The following PLD5 variants were observed in gnomAD, a reference collection of about 807,000 sequenced individuals.
PLD5 encodes inactive phospholipase D5.
A neutral mutation model predicts 61.1 loss-of-function variants in PLD5; 36 were observed. The observed-to-expected ratio is 0.59, with a 90% confidence interval of 0.45 to 0.78. The LOEUF is 0.78. PLD5 is among the 30% of genes least tolerant of loss of function. The pLI, the probability that PLD5 is intolerant of heterozygous loss-of-function variation, is 0.00. For synonymous variants in PLD5, 243 were observed against 242.8 expected, an observed-to-expected ratio of 1.00 and a Z score of -0.01; for missense variants, 515 against 644.4, an observed-to-expected ratio of 0.80 and a Z score of 2.17.
At chr1:242,390,292 T>C (rs1662854467) in intron 1 of PLD5, among the ~76,000 whole-genome samples, 1 of 152,034 alleles carries the variant, frequency 6.6e-6, no homozygotes, top group African/African-American at 2.4e-5. Context: ...AGATACAAAT[T>C]ATTAAAGCTC....
At chr1:242,309,514 C>A (rs1489719251) in intron 2 of PLD5, among the ~76,000 whole-genome samples, 1 of 151,804 alleles carries the variant, frequency 6.6e-6, no homozygotes, top group Non-Finnish European at 1.5e-5. Context: ...GCTGGGATTA[C>A]AGGTGCATGC....
chr1:242,296,836 C>A (rs190216320), intron 2 of PLD5, among the ~76,000 whole-genome samples: 1 of 152,186 alleles, frequency 6.6e-6, no homozygotes, highest in African/African-American at 2.4e-5. Context: ...TCCTGCCTTA[C>A]AGCCTCCTGA....
chr1:242,369,986 T>C (rs1317454116), intron 1 of PLD5, among the ~76,000 whole-genome samples: 3 of 152,142 alleles, frequency 2.0e-5, no homozygotes, highest in Admixed American at 6.6e-5. Context: ...AACCCTCCAT[T>C]TTATGTTTTT....
intron 5 of PLD5, among the ~76,000 whole-genome samples, chr1:242,137,584 A>G (rs1663838873): frequency 6.6e-6 from 1 of 152,150 alleles, no homozygotes. Flanking sequence ...GTAGGGGGAA[A>G]TGTGTTGAAG....
rs1446140451 is a variant in PLD5 at position 242,084,838 on chromosome 1, T to G, written c.*5016A>C. ...CTCCTTGTGTGAATATACAAAACAG[T>G]GGGCCCATTGGACCAGTCGCATCTA... On this transcript the variant is annotated 3_prime_UTR_variant, in exon 10 of 10. Transcript: ENST00000536534. 2.2e-5 allele frequency: 3 copies of G among 136,634 alleles called. No homozygotes were observed. Among genetic ancestry groups the G allele is most frequent in the African/African-American group, 8.3e-5 (3 of 35,942 alleles). The allele number at this position is 136,634 out of a possible 1,614,324, so 8.5% of individuals were successfully genotyped here. A position where few individuals can be genotyped will look rare whatever the true frequency, so the allele number is the denominator to read the frequency against.
chr1:242,512,094 A>AGGCT (rs1668928693), intron 1 of PLD5, among the ~76,000 whole-genome samples: 2 of 152,198 alleles, frequency 1.3e-5, no homozygotes, highest in South Asian at 4.1e-4. Flanking sequence ...TTAATAATCA[A>AGGCT]GGCTGGCCGG....
rs1659357173 is a variant in PLD5 at position 242,084,189 on chromosome 1, A to C, written c.*5665T>G. ...GCACTGTTAGCCCATTTTTTTAAAA[A>C]AAAACACGAAATTGTAGCATTCAGA... On this transcript the variant is annotated 3_prime_UTR_variant, in exon 10 of 10. Transcript: ENST00000536534. 1 of 152,148 alleles carries C rather than the reference A, an allele frequency of 6.6e-6. No individual in the cohort carries two copies. The highest frequency in any genetic ancestry group is 2.1e-4 in the South Asian group (1 of 4,832). The allele number at this position is 152,148 out of a possible 1,614,324, so 9.4% of individuals were successfully genotyped here.
chr1:242,153,934 T>C (rs138157516), intron 5 of PLD5, among the ~76,000 whole-genome samples: 100 of 152,328 alleles, frequency 6.6e-4, no homozygotes, highest in African/African-American at 2.2e-3. Context: ...TAAATTACTT[T>C]GGGCAGTATG....
At chr1:242,183,501 C>T (rs1189828263) in intron 5 of PLD5, among the ~76,000 whole-genome samples, 1 of 152,184 alleles carries the variant, frequency 6.6e-6, no homozygotes, top group Non-Finnish European at 1.5e-5. Context: ...GTACATCAGA[C>T]TAGTTGGACT....
intron 4 of PLD5, among the ~76,000 whole-genome samples, chr1:242,228,109 A>C (rs559682474): frequency 6.6e-6 from 1 of 152,332 alleles, no homozygotes; most frequent in Admixed American, 6.5e-5. Flanking sequence ...TCACATTTAC[A>C]CATTACACTT....
chr1:242,443,389 G>A (rs1055688332), intron 1 of PLD5, among the ~76,000 whole-genome samples: 3 of 152,168 alleles, frequency 2.0e-5, no homozygotes, highest in African/African-American at 7.2e-5. Context: ...ATATCTATGT[G>A]TAATACAGGG....
intron 1 of PLD5, among the ~76,000 whole-genome samples, chr1:242,379,834 CTT>C (rs1025756349): frequency 1.3e-5 from 2 of 152,160 alleles, no homozygotes; most frequent in African/African-American, 4.8e-5. Context: ...GGCTGAGACA[CTT>C]TACTTATTGC....
At chr1:242,470,002 C>T (rs994856074) in intron 1 of PLD5, among the ~76,000 whole-genome samples, 7 of 152,226 alleles carry the variant, frequency 4.6e-5, no homozygotes, top group African/African-American at 1.7e-4. Flanking sequence ...CTGTATCGAT[C>T]CAGCTTGATG....
rs532098086 is a variant in PLD5 at position 242,374,473 on chromosome 1, C to T, written c.190-26231G>A. Among the ~76,000 whole-genome samples the T allele has an allele frequency of 2.0e-5, 3 of 152,216 alleles. No homozygotes were observed. In the East Asian group the frequency reaches 5.8e-4, roughly 29 times the overall value. On this transcript the variant is annotated intron_variant, in intron 1 of 9. Coordinates refer to ENST00000536534, the MANE Select transcript of PLD5 (RefSeq NM_001372062.1). Reference sequence around the variant, plus strand: ...CATTTTTCTTTGACCTTCACCTGCTCGCCTATCTCTCAATACCATTCTCCC... The same window carrying T: ...CATTTTTCTTTGACCTTCACCTGCTTGCCTATCTCTCAATACCATTCTCCC...
chr1:242,177,088 G>A (rs764499978), intron 5 of PLD5, among the ~76,000 whole-genome samples: 1 of 152,070 alleles, frequency 6.6e-6, no homozygotes, highest in African/African-American at 2.4e-5. Context: ...TATACCCAAA[G>A]GATTATAAAT....
At chr1:242,387,466 A>C (rs1451699499) in intron 1 of PLD5, among the ~76,000 whole-genome samples, 1 of 152,172 alleles carries the variant, frequency 6.6e-6, no homozygotes, top group African/African-American at 2.4e-5. Context: ...GACAGTGATG[A>C]CATCCAGGGC....
At chr1:242,131,835 C>T (rs1426270272) in intron 5 of PLD5, among the ~76,000 whole-genome samples, 8 of 122,808 alleles carry the variant, frequency 6.5e-5, no homozygotes, top group South Asian at 2.7e-4. Context: ...TCTTTCTTTC[C>T]TTTTTTTTTT....
At chr1:242,417,348 GTTCCATGTCAGTTTACCAT>G (rs979919569) in intron 1 of PLD5, among the ~76,000 whole-genome samples, 1 of 152,304 alleles carries the variant, frequency 6.6e-6, no homozygotes, top group African/African-American at 2.4e-5. Context: ...ACCCGCCAGT[GTTCCATGTCAGTTTACCAT>G]TGCCATGGCA....
At chr1:242,458,114 T>C (rs1314219661) in intron 1 of PLD5, among the ~76,000 whole-genome samples, 1 of 152,198 alleles carries the variant, frequency 6.6e-6, no homozygotes, top group African/African-American at 2.4e-5. Flanking sequence ...ACACATGGTA[T>C]CGGGGCTCTC....
Sources: gnomAD v4.1 joint callset for allele counts (sites outside exome capture counted in the v4.1 genomes callset) on GRCh38, gnomAD v4.1.1 for gene constraint, MANE v1.5 for transcripts, NCBI Gene and HGNC (gene_info 2026-07-23, HGNC 2026-07-21) for gene names.